Variants in MDN1 observed in about 807,000 individuals in gnomAD.
MDN1 encodes midasin AAA ATPase 1.
A neutral mutation model predicts 669.2 loss-of-function variants in MDN1; 266 were observed. That is an observed-to-expected ratio of 0.40 (90% CI 0.36 to 0.44). MDN1 has a LOEUF of 0.44. Ranked by LOEUF, MDN1 falls within the 20% of genes least tolerant of loss-of-function variation. The pLI, the probability that MDN1 is intolerant of heterozygous loss-of-function variation, is 1.00. For synonymous variants in MDN1, 2,385 were observed against 2,457.1 expected (o/e 0.97, Z 0.87); for missense variants, 5,940 against 6,754.0 (o/e 0.88, Z 4.22).
At chr6:89,805,050 A>G (rs1214782788) in intron 1 of MDN1, among the ~76,000 whole-genome samples, 2 of 151,466 alleles carry the variant, frequency 1.3e-5, no homozygotes, top group African/African-American at 4.8e-5. Flanking sequence ...AAAAAAAAAA[A>G]AAAAAAAAAT....
Position 89,817,965 on chromosome 6 carries a change from TC to T in MDN1, c.102+1540del, listed in dbSNP as rs1768955394. On this transcript the variant is annotated intron_variant, in intron 1 of 101. Coordinates refer to ENST00000369393, the MANE Select transcript of MDN1 (RefSeq NM_014611.3). ...ATAACCATAAAGGTCTCCAGATTTG[TC>T]CCTGGGAGCAAAATTGGCCCCACTC... is the stretch of plus-strand genomic sequence containing the variant. 2.6e-5 allele frequency among the ~76,000 whole-genome samples: 4 copies of T among 152,050 alleles called. No homozygotes were observed. In the South Asian group the frequency reaches 8.3e-4, roughly 32 times the overall value.
chr6:89,730,428 T>C (rs1054108490), intron 35 of MDN1, among the ~76,000 whole-genome samples: 4 of 152,210 alleles, frequency 2.6e-5, no homozygotes, highest in African/African-American at 9.7e-5. Flanking sequence ...TTGTCAACAT[T>C]AGTAGAGTTT....
chr6:89,776,543 G>T, intron 12 of MDN1, 57 bp downstream of exon 12: 1 of 1,356,944 alleles, frequency 7.4e-7, no homozygotes, highest in Non-Finnish European at 1.0e-6. Context: ...CAGCAAGCAA[G>T]CAAGCAAAAA....
chr6:89,778,873 G>A (rs1340493526), intron 11 of MDN1, among the ~76,000 whole-genome samples: 4 of 145,100 alleles, frequency 2.8e-5, no homozygotes, highest in Admixed American at 7.1e-5. Context: ...GTAATAGAGC[G>A]AGACTATGTC....
At chr6:89,735,797 G>A (rs1034569888) in intron 33 of MDN1, among the ~76,000 whole-genome samples, 8 of 152,094 alleles carry the variant, frequency 5.3e-5, no homozygotes, top group Non-Finnish European at 2.9e-5. Flanking sequence ...CAAGGCGGGC[G>A]GATCACAAGG....
At chr6:89,701,391 C>A (rs1813150944) in intron 55 of MDN1, among the ~76,000 whole-genome samples, 167 bp downstream of exon 55, 1 of 152,162 alleles carries the variant, frequency 6.6e-6, no homozygotes, top group Non-Finnish European at 1.5e-5. Context: ...AGGTTTGTAT[C>A]CAAGGAGAAT....
intron 1 of MDN1, among the ~76,000 whole-genome samples, chr6:89,807,809 T>C (rs957132373): frequency 6.6e-6 from 1 of 152,240 alleles, no homozygotes; most frequent in Non-Finnish European, 1.5e-5. Context: ...CCGTATCTTG[T>C]AATTCAATGT....
At chr6:89,771,425 A>G in intron 15 of MDN1, 136 bp downstream of exon 15, 1 of 717,536 alleles carries the variant, frequency 1.4e-6, no homozygotes, top group Non-Finnish European at 2.3e-6. Flanking sequence ...AGCTCCAATA[A>G]AGCCTTATCT....
rs1417849666 is a variant in MDN1 at position 89,776,653 on chromosome 6, T to C, written c.1768A>G (p.Lys590Glu). The C allele has an allele frequency of 6.2e-7, 1 of 1,613,432 alleles. No individual in the cohort carries two copies. The highest frequency in any genetic ancestry group is 8.5e-7 in the Non-Finnish European group (1 of 1,179,554). ...FTAMLSEHTS[K>E]LKMAEVIGSK... ...CCAATAACTTCTGCCATTTTCAGTTTGCTTGTATGCTCAGAAAGCATTGCT... is the reference window on the plus strand; with the variant it reads ...CCAATAACTTCTGCCATTTTCAGTTCGCTTGTATGCTCAGAAAGCATTGCT... The change falls in exon 12 of 102, where the codon AAA (lysine) becomes GAA (glutamate). Residue 590 changes from lysine (K) to glutamate (E), a missense_variant. Physicochemically the swap from Lys to Glu is moderately conservative, Grantham distance 56. Coordinates refer to ENST00000369393, the MANE Select transcript of MDN1 (RefSeq NM_014611.3).
At chr6:89,813,732 G>C (rs1476716463) in intron 1 of MDN1, among the ~76,000 whole-genome samples, 1 of 151,722 alleles carries the variant, frequency 6.6e-6, no homozygotes, top group Non-Finnish European at 1.5e-5. Flanking sequence ...TTTCGGGCAG[G>C]GGAAGCATTA....
intron 27 of MDN1, 72 bp downstream of exon 27, chr6:89,747,257 C>G: frequency 6.5e-7 from 1 of 1,539,126 alleles, no homozygotes. Flanking sequence ...CAATTTGAGG[C>G]AAGATTTGTT....
At chr6:89,738,964 G>C (rs1816146893) in intron 32 of MDN1, among the ~76,000 whole-genome samples, 1 of 152,186 alleles carries the variant, frequency 6.6e-6, no homozygotes, top group Non-Finnish European at 1.5e-5. Context: ...TCCAGTCTTA[G>C]GGCCTTTGCC....
chr6:89,719,802 CA>C (rs763548149), intron 40 of MDN1, among the ~76,000 whole-genome samples: 3 of 152,312 alleles, frequency 2.0e-5, no homozygotes, highest in Admixed American at 6.5e-5. Context: ...CTCCAAAAAA[CA>C]TGTTATCCCT....
rs1179288337 is a variant in MDN1 at position 89,727,989 on chromosome 6, A to G, written c.5350-34T>C. On this transcript the variant is annotated intron_variant, in intron 36 of 101. Coordinates refer to ENST00000369393, the MANE Select transcript of MDN1 (RefSeq NM_014611.3). ...GGGGAAGAAATGGAAAGAAGCCATTATTACTTTAAAAATCAACTGGATTCT... is the reference window on the plus strand; with the variant it reads ...GGGGAAGAAATGGAAAGAAGCCATTGTTACTTTAAAAATCAACTGGATTCT... 3.2e-6 allele frequency: 5 copies of G among 1,577,976 alleles called. No homozygotes were observed. In the South Asian group the frequency reaches 4.7e-5, roughly 15 times the overall value.
intron 9 of MDN1, among the ~76,000 whole-genome samples, chr6:89,782,902 TC>T (rs1818755898): frequency 6.6e-6 from 1 of 152,170 alleles, no homozygotes; most frequent in African/African-American, 2.4e-5. Context: ...ATGTATCAGT[TC>T]CCAAATAATA....
chr6:89,681,934 G>A (rs993417228), intron 73 of MDN1, among the ~76,000 whole-genome samples: 5 of 152,098 alleles, frequency 3.3e-5, no homozygotes, highest in African/African-American at 1.2e-4. Context: ...TTACAGCCGT[G>A]AGCCACTACG....
intron 3 of MDN1, 103 bp downstream of exon 3, chr6:89,794,474 A>C: frequency 8.6e-7 from 1 of 1,165,880 alleles, no homozygotes; most frequent in Non-Finnish European, 1.2e-6. Context: ...AACAAAAATA[A>C]CAAATTTTAA....
chr6:89,742,400 T>C (rs1433519536), intron 31 of MDN1, among the ~76,000 whole-genome samples: 8 of 150,632 alleles, frequency 5.3e-5, no homozygotes, highest in African/African-American at 2.0e-4. Flanking sequence ...AGAGCAAGAC[T>C]GTGTCTAAAA....
chr6:89,684,114 T>C (rs1488828776), intron 71 of MDN1, among the ~76,000 whole-genome samples: 3 of 151,886 alleles, frequency 2.0e-5, no homozygotes, highest in Non-Finnish European at 2.9e-5. Flanking sequence ...GAGGCCAAGG[T>C]GGGCGGAATC....
Sources: gnomAD v4.1 joint callset for allele counts (sites outside exome capture counted in the v4.1 genomes callset) on GRCh38, gnomAD v4.1.1 for gene constraint, MANE v1.5 for transcripts, NCBI Gene and HGNC (gene_info 2026-07-23, HGNC 2026-07-21) for gene names.